Variants in TRDN observed in about 807,000 individuals in gnomAD.
TRDN encodes the protein triadin, also known as triadin in skeletal muscle.
In TRDN, 161 loss-of-function variants were observed where a neutral mutation model predicts 149.7. That is an observed-to-expected ratio of 1.08 (90% CI 0.95 to 1.23). The LOEUF (loss-of-function observed/expected upper bound fraction) is 1.23. TRDN is among the 50% of genes most tolerant of loss of function. The probability of loss-of-function intolerance (pLI) is 0.00; values close to 1 mark genes in which losing one functional copy is unlikely to be tolerated. For missense variants in TRDN, 896 were observed against 823.5 expected (o/e 1.09, Z -1.08); for synonymous variants, 294 against 250.5 (o/e 1.17, Z -1.64).
chr6:123,463,973 C>A (rs1214959303), intron 10 of TRDN, among the ~76,000 whole-genome samples: 3 of 152,134 alleles, frequency 2.0e-5, no homozygotes, highest in Admixed American at 6.5e-5. Flanking sequence ...CCACATTGCA[C>A]ACAGAAGATC....
intron 24 of TRDN, among the ~76,000 whole-genome samples, chr6:123,308,638 C>T (rs1014081280): frequency 6.6e-6 from 1 of 151,966 alleles, no homozygotes; most frequent in Admixed American, 6.6e-5. Flanking sequence ...TATGTAGAGT[C>T]TCCACAAGCA....
intron 21 of TRDN, among the ~76,000 whole-genome samples, chr6:123,342,439 T>A (rs1208010147): frequency 2.0e-5 from 3 of 151,936 alleles, no homozygotes; most frequent in Non-Finnish European, 2.9e-5. Context: ...ATGTTTAAAT[T>A]AAGATAATAA....
chr6:123,457,349 G>A (rs988265485), intron 10 of TRDN, among the ~76,000 whole-genome samples: 1 of 152,128 alleles, frequency 6.6e-6, no homozygotes, highest in Admixed American at 6.5e-5. Flanking sequence ...TAGAGGGTAA[G>A]AAAAACAAAA....
chr6:123,365,852 G>A (rs1215240247), intron 20 of TRDN, among the ~76,000 whole-genome samples: 2 of 152,104 alleles, frequency 1.3e-5, no homozygotes, highest in Non-Finnish European at 2.9e-5. Context: ...TCCAGATGAT[G>A]GGGATCCTAT....
At chr6:123,582,143 G>T (rs1227607907) in intron 1 of TRDN, among the ~76,000 whole-genome samples, 4 of 152,130 alleles carry the variant, frequency 2.6e-5, no homozygotes, top group African/African-American at 7.2e-5. Context: ...CCTATACATT[G>T]GTTCAGTTCA....
At chr6:123,275,641 T>C (rs1301339799) in intron 26 of TRDN, among the ~76,000 whole-genome samples, 2 of 152,164 alleles carry the variant, frequency 1.3e-5, no homozygotes, top group African/African-American at 4.8e-5. Flanking sequence ...CCTGTACATG[T>C]AAAAGTGGTT....
At chr6:123,440,642 ACTAAC>A (rs1198760028) in intron 10 of TRDN, among the ~76,000 whole-genome samples, 3 of 152,216 alleles carry the variant, frequency 2.0e-5, no homozygotes, top group African/African-American at 7.2e-5. Flanking sequence ...CTAATGCCAT[ACTAAC>A]CATAAGATCA....
intron 12 of TRDN, among the ~76,000 whole-genome samples, chr6:123,422,133 C>T (rs149383922): frequency 3.9e-5 from 6 of 151,962 alleles, no homozygotes; most frequent in East Asian, 3.9e-4. Flanking sequence ...GGAGGATGTG[C>T]GTAGGTTATA....
chr6:123,465,041 A>G, intron 9 of TRDN, 58 bp from the exon 10 acceptor site: 1 of 1,521,864 alleles, frequency 6.6e-7, no homozygotes, highest in Non-Finnish European at 8.9e-7. Flanking sequence ...TCTAATATCC[A>G]CAACTAAAAA....
chr6:123,395,600 CT>C (rs1449554302), intron 12 of TRDN, among the ~76,000 whole-genome samples: 1 of 152,162 alleles, frequency 6.6e-6, no homozygotes, highest in African/African-American at 2.4e-5. Context: ...TTCCCTGCCC[CT>C]CATTGTCCCG....
At chr6:123,626,532 C>G (rs537380524) in intron 1 of TRDN, among the ~76,000 whole-genome samples, 1 of 152,090 alleles carries the variant, frequency 6.6e-6, no homozygotes, top group African/African-American at 2.4e-5. Context: ...CATGAGATTA[C>G]AGCATCTTCA....
Position 123,274,724 on chromosome 6 carries a change from A to C in TRDN, c.1568-54T>G, listed in dbSNP as rs2873478. On this transcript the variant is annotated intron_variant, in intron 26 of 40. Transcript: ENST00000334268. ...AAACCTGAAAAAATAAACTAGAATG[A>C]AAATTAATTTTTAGAAATAATTTTA... 291,703 of 1,476,474 alleles carry C rather than the reference A, an allele frequency of 0.2. 34,492 individuals carry two copies. The highest frequency in any genetic ancestry group is 0.57 in the East Asian group (24,616 of 42,842). The allele number at this position is 1,476,474 out of a possible 1,614,324, so 91.5% of individuals were successfully genotyped here.
At chr6:123,306,414 G>A (rs1778613783) in intron 24 of TRDN, among the ~76,000 whole-genome samples, 2 of 152,050 alleles carry the variant, frequency 1.3e-5, no homozygotes, top group South Asian at 2.1e-4. Flanking sequence ...ATCAAAAGGG[G>A]GGAAATGTGA....
intron 38 of TRDN, among the ~76,000 whole-genome samples, chr6:123,250,243 C>CTGGT (rs1162210316): frequency 3.3e-5 from 5 of 151,974 alleles, no homozygotes; most frequent in African/African-American, 1.2e-4. Flanking sequence ...GTTGGAGGAC[C>CTGGT]TGGTCCCTGC....
chr6:123,281,701 T>C (rs1476702805), intron 24 of TRDN, among the ~76,000 whole-genome samples: 2 of 152,088 alleles, frequency 1.3e-5, no homozygotes, highest in Non-Finnish European at 2.9e-5. Context: ...GTTGACTTAA[T>C]AGTTCTGCTA....
chr6:123,427,348 CAAT>C (rs969659990), intron 12 of TRDN, among the ~76,000 whole-genome samples: 6 of 150,862 alleles, frequency 4.0e-5, no homozygotes, highest in Non-Finnish European at 7.4e-5. Context: ...ACAATGATAA[CAAT>C]AATAATAATA....
At chr6:123,335,777 C>A (rs1189091378) in intron 22 of TRDN, among the ~76,000 whole-genome samples, 2 of 151,838 alleles carry the variant, frequency 1.3e-5, no homozygotes, top group African/African-American at 2.4e-5. Flanking sequence ...TAAGTGCAGA[C>A]TAAAATAAAG....
chr6:123,525,656 C>G (rs1381263529), intron 5 of TRDN, among the ~76,000 whole-genome samples: 3 of 151,790 alleles, frequency 2.0e-5, no homozygotes, highest in Non-Finnish European at 4.4e-5. Flanking sequence ...TGAAACATAC[C>G]CAAGTAACAA....
chr6:123,293,925 G>A (rs977488680), intron 24 of TRDN, among the ~76,000 whole-genome samples: 60 of 152,156 alleles, frequency 3.9e-4, no homozygotes, highest in Middle Eastern at 3.4e-3. Flanking sequence ...GGTTGATTCC[G>A]GCAGGAATCA....
Sources: gnomAD v4.1 joint callset for allele counts (sites outside exome capture counted in the v4.1 genomes callset) on GRCh38, gnomAD v4.1.1 for gene constraint, MANE v1.5 for transcripts, NCBI Gene and HGNC (gene_info 2026-07-23, HGNC 2026-07-21) for gene names.